Variants in DHX40 observed in about 807,000 individuals in gnomAD.
The protein encoded by DHX40 is DEAH-box helicase 40.
Under a neutral mutation model 89.6 loss-of-function variants are expected in DHX40, and 28 were observed. That is an observed-to-expected ratio of 0.31 (90% confidence interval 0.23 to 0.43). The LOEUF (loss-of-function observed/expected upper bound fraction) is 0.43. Ranked by LOEUF, DHX40 falls within the 20% of genes least tolerant of loss-of-function variation. DHX40 has a pLI of 1.00. For missense variants in DHX40, 457 were observed against 844.0 expected (o/e 0.54, Z 5.68); for synonymous variants, 226 against 283.6 (o/e 0.80, Z 2.04).
chr17:59,599,096 A>G (rs1478893876), intron 13 of DHX40, among the ~76,000 whole-genome samples: 1 of 152,126 alleles, frequency 6.6e-6, no homozygotes, highest in East Asian at 1.9e-4. Flanking sequence ...TTTTGCTTCT[A>G]TATAGGTAGC....
Position 59,605,670 on chromosome 17 carries a change from A to G in DHX40, c.2196A>G (p.Leu732=). ...CAAATAAGGAAAATGTAAAGCAGCT[A>G]AAGGGTGAGTAAATCATTTGTTCTA... ...RWTNKENVKQ[L]KDGISKDVLK... The change falls in exon 17 of 18, where the codon CTA becomes CTG. Residue 732 remains leucine (L), a synonymous_variant. Transcript: ENST00000251241. 3 of 1,607,636 alleles carry G rather than the reference A, an allele frequency of 1.9e-6. No homozygotes were observed. The highest frequency in any genetic ancestry group is 2.5e-6 in the Non-Finnish European group (3 of 1,177,586).
At chr17:59,568,297 C>T (rs998228856) in intron 2 of DHX40, among the ~76,000 whole-genome samples, 1 of 152,098 alleles carries the variant, frequency 6.6e-6, no homozygotes, top group African/African-American at 2.4e-5. Context: ...TTCAGTATGA[C>T]AGAACTTTCT....
chr17:59,578,131 G>T (rs1247253833), intron 8 of DHX40, among the ~76,000 whole-genome samples: 1 of 151,342 alleles, frequency 6.6e-6, no homozygotes, highest in Non-Finnish European at 1.5e-5. Context: ...TTAAGACTGG[G>T]TTATTTATCA....
At chr17:59,583,714 A>G (rs1395808136) in intron 10 of DHX40, among the ~76,000 whole-genome samples, 1 of 109,396 alleles carries the variant, frequency 9.1e-6, no homozygotes, top group Non-Finnish European at 2.0e-5. Flanking sequence ...CCCCGTCTCT[A>G]CTAAAAATAC....
intron 12 of DHX40, among the ~76,000 whole-genome samples, chr17:59,595,091 T>G (rs1011785173): frequency 8.6e-5 from 13 of 151,686 alleles, no homozygotes; most frequent in African/African-American, 2.9e-4. Flanking sequence ...GTTTTTTGTT[T>G]TTTTTTTTTG....
At chr17:59,605,418 C>T (rs746395897) in intron 16 of DHX40, 28 bp from the exon 17 acceptor site, 4 of 1,591,414 alleles carry the variant, frequency 2.5e-6, no homozygotes, top group South Asian at 1.1e-5. Context: ...TATTGAGTTA[C>T]CATCATTAAA....
In DHX40 at chr17:59,565,675, TC is replaced by T. The variant is rs1413331920; in HGVS notation, c.7del (p.Arg3GlyfsTer64). The T allele has an allele frequency of 6.2e-7, 1 of 1,600,534 alleles. No individual in the cohort carries two copies. On this transcript the variant is annotated frameshift_variant, in exon 1 of 18. Transcript: ENST00000251241. LOFTEE classifies it high-confidence loss of function. ...GCCTCCACTCGGGGCCAGGTCTATG[TC>T]CCGGTTTCCCGCAGTCGCGGGCAGG... MSRFPAVAGRAP... is the reference protein window; with the variant it reads MXRFPAVAGRAP...
chr17:59,596,142 A>T (rs1211053383), intron 12 of DHX40, among the ~76,000 whole-genome samples: 1 of 152,180 alleles, frequency 6.6e-6, no homozygotes, highest in Non-Finnish European at 1.5e-5. Context: ...ACTGACTCAC[A>T]GGTAGGCTTT....
intron 2 of DHX40, among the ~76,000 whole-genome samples, chr17:59,570,095 AG>A (rs1367943358): frequency 1.0e-4 from 13 of 129,298 alleles, no homozygotes; most frequent in Non-Finnish European, 1.9e-4. Flanking sequence ...TATAATATAT[AG>A]TATATATTAT....
At chr17:59,596,770 G>T (rs1298332138) in intron 12 of DHX40, among the ~76,000 whole-genome samples, 1 of 152,112 alleles carries the variant, frequency 6.6e-6, no homozygotes, top group Non-Finnish European at 1.5e-5. Context: ...TAAAGCATGG[G>T]ATAGAAGACT....
rs779576524 is a variant in DHX40 at position 59,573,661 on chromosome 17, GGT to G, written c.547-78_547-77del. ...TAATGTATTAAAATAGGAATTCCTT[GGT>G]TAGAATAGCAGTGTATCTAAAATAG... On this transcript the variant is annotated intron_variant, in intron 4 of 17. Transcript: ENST00000251241. The G allele has an allele frequency of 9.3e-4, 1,294 of 1,397,728 alleles. 1 individual carries two copies. The highest frequency in any genetic ancestry group is 1.2e-3 in the Non-Finnish European group (1,235 of 1,011,626). The allele number at this position is 1,397,728 out of a possible 1,614,324, so 86.6% of individuals were successfully genotyped here.
At chr17:59,571,650 G>A (rs987849711) in intron 3 of DHX40, among the ~76,000 whole-genome samples, 4 of 151,094 alleles carry the variant, frequency 2.6e-5, no homozygotes, top group Non-Finnish European at 5.9e-5. Flanking sequence ...GAGTGCAGTG[G>A]CGCAACCTCC....
At chr17:59,590,461 A>T in intron 12 of DHX40, among the ~76,000 whole-genome samples, 3 of 150,138 alleles carry the variant, frequency 2.0e-5, no homozygotes, top group African/African-American at 2.5e-5. Flanking sequence ...TTTTTTTTTA[A>T]TTTAAAAAAT....
At chr17:59,602,732 C>G (rs1038029573) in intron 15 of DHX40, 116 bp downstream of exon 15, 1 of 923,388 alleles carries the variant, frequency 1.1e-6, no homozygotes, top group Non-Finnish European at 1.6e-6. Context: ...ATGATTATGA[C>G]ATGAATTACA....
chr17:59,568,747 G>A (rs1332035716), intron 2 of DHX40, among the ~76,000 whole-genome samples: 1 of 151,458 alleles, frequency 6.6e-6, no homozygotes, highest in East Asian at 1.9e-4. Context: ...AGGTAAAGAG[G>A]GACTACTGTA....
chr17:59,607,075 A>T lies in DHX40; in HGVS notation c.2243A>T (p.Asn748Ile). ...KDVLKKMQRRNDDKSISDARA... is the reference protein window; with the variant it reads ...KDVLKKMQRRIDDKSISDARA... Reference sequence around the variant, plus strand: ...GTCTTAAAGAAAATGCAAAGAAGAAATGATGACAAATCCATATCTGATGCA... The same window carrying T: ...GTCTTAAAGAAAATGCAAAGAAGAATTGATGACAAATCCATATCTGATGCA... Residue 748 changes from asparagine (N) to isoleucine (I), a missense_variant, in exon 18 of 18, where the codon AAT (asparagine) becomes ATT (isoleucine). Asn to Ile is a moderately radical substitution (Grantham distance 149). Coordinates refer to ENST00000251241, the MANE Select transcript of DHX40 (RefSeq NM_024612.5). 6.2e-7 allele frequency: 1 copy of T among 1,614,178 alleles called. No individual in the cohort carries two copies. The highest frequency in any genetic ancestry group is 8.5e-7 in the Non-Finnish European group (1 of 1,180,046).
At chr17:59,567,326 AC>A (rs2048720881) in intron 2 of DHX40, among the ~76,000 whole-genome samples, 1 of 152,224 alleles carries the variant, frequency 6.6e-6, no homozygotes. Flanking sequence ...AGTTACTCAT[AC>A]TGAAGTTCCA....
intron 2 of DHX40, among the ~76,000 whole-genome samples, chr17:59,568,900 C>G (rs3863506): frequency 6.6e-6 from 1 of 151,574 alleles, no homozygotes; most frequent in Non-Finnish European, 1.5e-5. Context: ...TGAGATCTTA[C>G]TATGTCGCCC....
At chr17:59,588,241 A>AAAAACAAAAAAAAAAAACC (rs1367090814) in intron 12 of DHX40, among the ~76,000 whole-genome samples, 188 bp downstream of exon 12, 3 of 146,064 alleles carry the variant, frequency 2.1e-5, no homozygotes, top group African/African-American at 8.2e-5. Context: ...AAAAAAAAAA[A>AAAAACAAAAAAAAAAAACC]CCAAAAACAA....
Sources: allele counts gnomAD v4.1 joint callset (sites outside exome capture counted in the v4.1 genomes callset), GRCh38; gene constraint gnomAD v4.1.1; transcripts MANE v1.5; gene names NCBI Gene and HGNC (gene_info 2026-07-23, HGNC 2026-07-21).